VPS53: variants seen among roughly 807,000 people sequenced by gnomAD.
VPS53 encodes the protein VPS53 subunit of GARP complex.
In VPS53, 70 loss-of-function variants were observed where a neutral mutation model predicts 107.0. That is an observed-to-expected ratio of 0.65 (90% CI 0.54 to 0.80). VPS53 has a LOEUF of 0.80. Ranked by LOEUF, VPS53 falls within the 30% of genes least tolerant of loss-of-function variation. The pLI, the probability that VPS53 is intolerant of heterozygous loss-of-function variation, is 0.00. For synonymous variants in VPS53, 409 were observed against 393.3 expected, an observed-to-expected ratio of 1.04 and a Z score of -0.47; for missense variants, 917 against 1,049.4, an observed-to-expected ratio of 0.87 and a Z score of 1.74.
intron 7 of VPS53, chr17:632,605 C>A (rs1000577617): frequency 5.0e-6 from 2 of 397,980 alleles, no homozygotes; most frequent in Non-Finnish European, 1.0e-5. Flanking sequence ...AATACTAGAT[C>A]GTATCATTCT....
intron 19 of VPS53, among the ~76,000 whole-genome samples, chr17:525,795 T>G (rs1219204581): frequency 6.6e-6 from 1 of 151,700 alleles, no homozygotes; most frequent in Non-Finnish European, 1.5e-5. Context: ...GTCAGGAATT[T>G]GAGACCAGCC....
At chr17:691,266 T>C (rs1287370794) in intron 4 of VPS53, among the ~76,000 whole-genome samples, 2 of 152,188 alleles carry the variant, frequency 1.3e-5, no homozygotes, top group African/African-American at 4.8e-5. Flanking sequence ...CAACAAGAAG[T>C]TACAATGAAG....
chr17:537,076 AG>A lies in VPS53; in HGVS notation c.1966del (p.Leu656TrpfsTer48). On this transcript the variant is annotated frameshift_variant, in exon 18 of 22. Transcript: ENST00000437048. LOFTEE classifies it high-confidence loss of function. The stretch of plus-strand genomic sequence containing the variant: ...AGTGAAGTACTTGCGTGTGGAAGCC[AG>A]GTTGTCACGGATGATGGGGACGTTC... ...KQNVPIIRDN[L>X]ASTRKYFTQF... 6.2e-7 allele frequency: 1 copy of A among 1,614,218 alleles called. No individual in the cohort carries two copies.
chr17:705,929 T>C (rs937626540), intron 2 of VPS53: 1 of 152,156 alleles, frequency 6.6e-6, no homozygotes, highest in African/African-American at 2.4e-5. Context: ...ACTTGGCCTG[T>C]AGTATTCAGC....
rs1369326245 is a variant in VPS53, at chr17:555,732, A to G, written c.1705-2270T>C. 2.6e-5 allele frequency among the ~76,000 whole-genome samples: 4 copies of G among 152,352 alleles called. No homozygotes were observed. In the East Asian group the frequency reaches 7.7e-4, roughly 29 times the overall value. On this transcript the variant is annotated intron_variant, in intron 15 of 21. Coordinates refer to ENST00000437048, the MANE Select transcript of VPS53 (RefSeq NM_001128159.3). Reference sequence around the variant, plus strand: ...CACAAAGAGCAACCAAACATTATGTATCTTGATGACAGACGTACAAAACAT... The same window carrying G: ...CACAAAGAGCAACCAAACATTATGTGTCTTGATGACAGACGTACAAAACAT...
intron 12 of VPS53, among the ~76,000 whole-genome samples, chr17:599,778 A>C (rs937302509): frequency 1.4e-5 from 2 of 147,718 alleles, no homozygotes; most frequent in Non-Finnish European, 2.9e-5. Context: ...AAAAAAAACA[A>C]AAACAAAATG....
At chr17:656,286 A>C (rs1376369010) in intron 5 of VPS53, among the ~76,000 whole-genome samples, 2 of 152,218 alleles carry the variant, frequency 1.3e-5, no homozygotes. Flanking sequence ...TCCTTGAACA[A>C]GGTGAGGAAA....
chr17:551,677 T>C (rs1229961254), intron 17 of VPS53, 195 bp downstream of exon 17: 1 of 412,698 alleles, frequency 2.4e-6, no homozygotes, highest in Non-Finnish European at 4.4e-6. Context: ...TCTGTCTCAT[T>C]CTAAAAGGAC....
chr17:623,069 G>A (rs1447283183), intron 11 of VPS53, among the ~76,000 whole-genome samples: 2 of 152,106 alleles, frequency 1.3e-5, no homozygotes, highest in Admixed American at 6.6e-5. Context: ...GCAGTACTAT[G>A]TTCCACCTTT....
chr17:537,156 C>T lies in VPS53; in HGVS notation c.1887G>A (p.Glu629=), dbSNP rs370525810. The change falls in exon 18 of 22, where the codon GAG becomes GAA. Residue 629 remains glutamate, a synonymous_variant. Coordinates refer to ENST00000437048, the MANE Select transcript of VPS53 (RefSeq NM_001128159.3). ...AMSKMQWQNV[E]HVGDQSPYVT... ...CGTAGGGGCTCTGGTCACCAACGTGCTCCACGTTCTGCCACTGCATCTGAA... is the reference window on the plus strand; with the variant it reads ...CGTAGGGGCTCTGGTCACCAACGTGTTCCACGTTCTGCCACTGCATCTGAA... 3.7e-6 allele frequency: 6 copies of T among 1,614,076 alleles called. No homozygotes were observed. Among genetic ancestry groups the T allele is most frequent in the Non-Finnish European group, 5.1e-6 (6 of 1,180,012 alleles).
At chr17:655,122 G>A (rs1160731607) in intron 6 of VPS53, among the ~76,000 whole-genome samples, 1 of 152,186 alleles carries the variant, frequency 6.6e-6, no homozygotes, top group African/African-American at 2.4e-5. Flanking sequence ...TCCACATACG[G>A]AATCACACTG....
chr17:524,465 G>A lies in VPS53; in HGVS notation c.2086-2727C>T, dbSNP rs1430342293. On this transcript the variant is annotated intron_variant, in intron 19 of 21. Transcript: ENST00000437048. This position sits in a 1 kb window ranked among gnomAD's most constrained non-coding sequence, Gnocchi z 4.5. ...CAAGACATAAATCAGGAGAAGATAC[G>A]TGCAACGTTGACAAGGGAACGGGGT... Among the ~76,000 whole-genome samples the A allele has an allele frequency of 1.3e-5, 2 of 152,152 alleles. No homozygotes were observed. Among genetic ancestry groups the A allele is most frequent in the Non-Finnish European group, 2.9e-5 (2 of 68,032 alleles).
intron 4 of VPS53, among the ~76,000 whole-genome samples, chr17:662,891 A>AAGGAAGGCAGGC (rs1370616729): frequency 5.1e-5 from 7 of 137,540 alleles, no homozygotes; most frequent in African/African-American, 1.5e-4. Context: ...GGAAGGAAGG[A>AAGGAAGGCAGGC]AGGCAGGCAG....
chr17:536,005 C>T (rs866951087), intron 18 of VPS53, among the ~76,000 whole-genome samples: 10 of 152,154 alleles, frequency 6.6e-5, no homozygotes, highest in Non-Finnish European at 4.4e-5. Context: ...TGAAGCCCTT[C>T]CCTGAGAAGT....
At chr17:584,899 T>C (rs1967231295) in intron 13 of VPS53, among the ~76,000 whole-genome samples, 1 of 152,200 alleles carries the variant, frequency 6.6e-6, no homozygotes, top group South Asian at 2.1e-4. Context: ...CATACTGATA[T>C]ATAAACAAAT....
chr17:692,095 G>A (rs1381730291), intron 4 of VPS53, among the ~76,000 whole-genome samples: 3 of 152,176 alleles, frequency 2.0e-5, no homozygotes, highest in Middle Eastern at 3.4e-3. Context: ...ACAGAAACTC[G>A]GTGGCTGATC....
chr17:688,542 T>C (rs994298750), intron 4 of VPS53, among the ~76,000 whole-genome samples: 2 of 152,176 alleles, frequency 1.3e-5, no homozygotes, highest in African/African-American at 4.8e-5. Context: ...CCAAACCCAG[T>C]TGCACTACAT....
At chr17:590,736 T>A (rs1311620605) in intron 12 of VPS53, among the ~76,000 whole-genome samples, 17 of 146,378 alleles carry the variant, frequency 1.2e-4, no homozygotes, top group Admixed American at 2.7e-4. Context: ...GCCCACTTGA[T>A]CATGGTGGAT....
chr17:522,223 T>C (rs576248673), intron 19 of VPS53, among the ~76,000 whole-genome samples: 1 of 152,068 alleles, frequency 6.6e-6, no homozygotes, highest in Non-Finnish European at 1.5e-5. Flanking sequence ...CCACTGTAAC[T>C]CTCCAGCCTG....
Sources: gnomAD v4.1 joint callset for allele counts (sites outside exome capture counted in the v4.1 genomes callset) on GRCh38, gnomAD v4.1.1 for gene constraint, Gnocchi (gnomAD v3.1) non-coding constraint, MANE v1.5 for transcripts, NCBI Gene and HGNC (gene_info 2026-07-23, HGNC 2026-07-21) for gene names.